TRPS1: variants seen among roughly 807,000 people sequenced by gnomAD.
TRPS1 encodes zinc finger transcription factor Trps1.
In TRPS1, 6 loss-of-function variants were observed where a neutral mutation model predicts 101.2. That is an observed-to-expected ratio of 0.06 (90% CI 0.03 to 0.12). The LOEUF (loss-of-function observed/expected upper bound fraction) is 0.12. TRPS1 is among the 10% of genes least tolerant of loss of function. The pLI is 1.00. For missense variants in TRPS1, 1,363 were observed against 1,567.0 expected (o/e 0.87, Z 2.20); for synonymous variants, 578 against 589.8 (o/e 0.98, Z 0.29).
chr8:115,533,746 G>C (rs942136191), intron 5 of TRPS1, among the ~76,000 whole-genome samples: 27 of 151,938 alleles, frequency 1.8e-4, no homozygotes, highest in African/African-American at 6.3e-4. Flanking sequence ...TCTGAAGGCT[G>C]GGAGTCCAGG....
chr8:115,568,287 T>C (rs548829560), intron 5 of TRPS1, among the ~76,000 whole-genome samples: 1 of 152,278 alleles, frequency 6.6e-6, no homozygotes, highest in Admixed American at 6.5e-5. Context: ...TGCACATATA[T>C]GCAAATATAT....
At chr8:115,651,252 T>C (rs899174479) in intron 1 of TRPS1, among the ~76,000 whole-genome samples, 1 of 152,174 alleles carries the variant, frequency 6.6e-6, no homozygotes, top group Non-Finnish European at 1.5e-5. Context: ...TTAGTTTCAC[T>C]GACACTGTCC....
chr8:115,485,376 A>C (rs1040588576), intron 5 of TRPS1, among the ~76,000 whole-genome samples: 5 of 152,186 alleles, frequency 3.3e-5, no homozygotes, highest in African/African-American at 1.2e-4. Context: ...CTGACATCTC[A>C]ATTTCAGCGT....
At chr8:115,513,700 A>G (rs1452946017) in intron 5 of TRPS1, among the ~76,000 whole-genome samples, 3 of 118 alleles carry the variant, frequency 0.025, no homozygotes, top group Non-Finnish European at 0.045. Flanking sequence ...AACATTTACT[A>G]TAGAAAAAGG....
chr8:115,476,403 T>G (rs897620299), intron 5 of TRPS1, among the ~76,000 whole-genome samples: 10 of 152,182 alleles, frequency 6.6e-5, no homozygotes, highest in African/African-American at 2.4e-4. Context: ...TATAAAGCAA[T>G]TGTTGGTAAT....
At chr8:115,593,026 C>T (rs1437639688) in intron 4 of TRPS1, among the ~76,000 whole-genome samples, 1 of 151,970 alleles carries the variant, frequency 6.6e-6, no homozygotes, top group Non-Finnish European at 1.5e-5. Context: ...CTATGTCGCC[C>T]AGGCTGGCCT....
chr8:115,531,016 A>G (rs1462389184), intron 5 of TRPS1, among the ~76,000 whole-genome samples: 1 of 152,176 alleles, frequency 6.6e-6, no homozygotes, highest in Non-Finnish European at 1.5e-5. Flanking sequence ...CCAACATGGC[A>G]CATGTATACA....
chr8:115,614,461 T>C (rs926742471), intron 3 of TRPS1, among the ~76,000 whole-genome samples: 1 of 152,218 alleles, frequency 6.6e-6, no homozygotes, highest in African/African-American at 2.4e-5. Context: ...GTTGAACTAT[T>C]CTACTAGGGT....
intron 5 of TRPS1, among the ~76,000 whole-genome samples, chr8:115,522,639 G>A (rs1384363631): frequency 6.6e-6 from 1 of 151,984 alleles, no homozygotes; most frequent in African/African-American, 2.4e-5. Flanking sequence ...TGAAATTTTG[G>A]TAAGTTGATA....
chr8:115,629,020 T>C (rs1206074011), intron 1 of TRPS1, among the ~76,000 whole-genome samples: 1 of 151,858 alleles, frequency 6.6e-6, no homozygotes, highest in Non-Finnish European at 1.5e-5. Flanking sequence ...TTTGGCTTTA[T>C]GTCACATAGT....
chr8:115,648,011 A>T (rs1235365324), intron 1 of TRPS1, among the ~76,000 whole-genome samples: 1 of 152,048 alleles, frequency 6.6e-6, no homozygotes, highest in Non-Finnish European at 1.5e-5. Context: ...CCCAATGATC[A>T]CAGGTGAATA....
chr8:115,505,548 A>C (rs894734563), intron 5 of TRPS1, among the ~76,000 whole-genome samples: 1 of 152,104 alleles, frequency 6.6e-6, no homozygotes, highest in African/African-American at 2.4e-5. Flanking sequence ...TTGTCATTGA[A>C]TGATCTGAAA....
At chr8:115,635,464 C>T (rs1165292768) in intron 1 of TRPS1, among the ~76,000 whole-genome samples, 1 of 152,152 alleles carries the variant, frequency 6.6e-6, no homozygotes. Flanking sequence ...TGAGGGCCAA[C>T]TATGTGTCAG....
At chr8:115,428,592 T>C (rs1164054895) in intron 5 of TRPS1, among the ~76,000 whole-genome samples, 1 of 152,180 alleles carries the variant, frequency 6.6e-6, no homozygotes, top group Non-Finnish European at 1.5e-5. Context: ...TTAAAAGAGT[T>C]AATGACAAAC....
chr8:115,522,152 A>G (rs1359087900), intron 5 of TRPS1, among the ~76,000 whole-genome samples: 4 of 152,002 alleles, frequency 2.6e-5, no homozygotes, highest in Non-Finnish European at 2.9e-5. Flanking sequence ...GGTATTGACA[A>G]ACTAATCACC....
At chr8:115,551,165 A>G (rs1198961850) in intron 5 of TRPS1, among the ~76,000 whole-genome samples, 1 of 152,228 alleles carries the variant, frequency 6.6e-6, no homozygotes. Flanking sequence ...GATTACAGAA[A>G]AAAGATCCAA....
chr8:115,614,403 G>A (rs1449736092), intron 3 of TRPS1, among the ~76,000 whole-genome samples: 2 of 152,048 alleles, frequency 1.3e-5, no homozygotes, highest in African/African-American at 4.8e-5. Flanking sequence ...CATGAACAAG[G>A]CCAAAAAAGA....
chr8:115,475,649 A>G (rs1006032826), intron 5 of TRPS1, among the ~76,000 whole-genome samples: 3 of 152,322 alleles, frequency 2.0e-5, no homozygotes, highest in Admixed American at 2.0e-4. Context: ...AACCACAGAC[A>G]TAAACTTTAG....
chr8:115,516,289 G>T (rs201143114), intron 5 of TRPS1, among the ~76,000 whole-genome samples: 6 of 151,414 alleles, frequency 4.0e-5, no homozygotes, highest in African/African-American at 7.3e-5. Flanking sequence ...CTAAAGTATC[G>T]TAATGAGTTT....
Sources: allele counts gnomAD v4.1 joint callset (sites outside exome capture counted in the v4.1 genomes callset), GRCh38; gene constraint gnomAD v4.1.1; transcripts MANE v1.5; gene names NCBI Gene and HGNC (gene_info 2026-07-23, HGNC 2026-07-21).